PRKD3: variants seen among roughly 807,000 people sequenced by gnomAD.
The protein encoded by PRKD3 is protein kinase D3.
In PRKD3, 47 loss-of-function variants were observed where a neutral mutation model predicts 99.2. The observed-to-expected ratio is 0.47, with a 90% CI of 0.38 to 0.60. The LOEUF is 0.60. PRKD3 is among the 20% of genes least tolerant of loss of function. The probability of loss-of-function intolerance (pLI) is 0.00; values close to 1 mark genes in which losing one functional copy is unlikely to be tolerated. For synonymous variants in PRKD3, 392 were observed against 355.4 expected (o/e 1.10, Z -1.16); for missense variants, 1,019 against 1,088.4 (o/e 0.94, Z 0.90).
At chr2:37,254,328 GCA>G (rs1349979787) in intron 17 of PRKD3, 39 bp from the exon 18 acceptor site, 2 of 1,510,178 alleles carry the variant, frequency 1.3e-6, no homozygotes, top group South Asian at 2.3e-5. Flanking sequence ...GAATTTGGGT[GCA>G]CAGAGTACCC....
At position 37,262,895 on chromosome 2, in the gene PRKD3, T is replaced by TCC. The variant is rs68028740; in HGVS notation, c.1885-2513_1885-2512dup. Among the ~76,000 whole-genome samples the TCC allele has an allele frequency of 7.5e-4, 108 of 144,492 alleles. No homozygotes were observed. In the East Asian group the frequency reaches 0.015, roughly 20 times the overall value. 94.8% of individuals were successfully genotyped at this position (144,492 alleles called of 152,430 possible). ...ATGAGCAAAGTATCCTAAGATTCCT[T>TCC]CCCCCCCCCGTATTTGTGGTTATCT... On this transcript the variant is annotated intron_variant, in intron 14 of 18. Coordinates refer to ENST00000234179, the MANE Select transcript of PRKD3 (RefSeq NM_005813.6).
intron 6 of PRKD3, among the ~76,000 whole-genome samples, chr2:37,285,554 G>A (rs1445551869): frequency 6.6e-6 from 1 of 152,136 alleles, no homozygotes; most frequent in African/African-American, 2.4e-5. Flanking sequence ...AACTCTTGCA[G>A]TATGCTTATA....
chr2:37,316,249 T>C lies in PRKD3; in HGVS notation c.276A>G (p.Ile92Met), dbSNP rs62001879. The C allele has an allele frequency of 2.6e-4, 423 of 1,612,810 alleles. 1 individual carries two copies. In the African/African-American group the frequency reaches 5.1e-3, roughly 19 times the overall value. Residue 92 changes from isoleucine (I) to methionine (M), a missense_variant, in exon 2 of 19, where the codon ATA becomes ATG. This residue lies in a region of PRKD3 where 710 missense variants were observed against 692.7 expected (regional missense o/e 1.02). Coordinates refer to ENST00000234179, the MANE Select transcript of PRKD3 (RefSeq NM_005813.6). ...LSAVKDLVCS[I>M]VYQKFPECGF... ...GCACACACAGTACCTTTTGATAAAC[T>C]ATGGAGCACACAAGATCCTTGACAG... is the stretch of plus-strand genomic sequence containing the variant.
intron 2 of PRKD3, among the ~76,000 whole-genome samples, chr2:37,299,630 A>C (rs899201958): frequency 6.6e-6 from 1 of 152,064 alleles, no homozygotes; most frequent in Non-Finnish European, 1.5e-5. Flanking sequence ...TTTGCAAACT[A>C]TTCAACTGAC....
intron 17 of PRKD3, 42 bp downstream of exon 17, chr2:37,256,620 T>A (rs1372392198): frequency 2.8e-6 from 4 of 1,453,618 alleles, no homozygotes; most frequent in South Asian, 2.8e-5. Context: ...TTAAAACACA[T>A]AGCCAAAATT....
chr2:37,321,621 G>A (rs1396450162), intron 1 of PRKD3, among the ~76,000 whole-genome samples: 2 of 152,168 alleles, frequency 1.3e-5, no homozygotes, highest in Non-Finnish European at 2.9e-5. Flanking sequence ...ATAGAGCAGT[G>A]ACCGAAACAG....
chr2:37,273,948 CA>C (rs1331392194), intron 11 of PRKD3, among the ~76,000 whole-genome samples: 3 of 152,194 alleles, frequency 2.0e-5, no homozygotes, highest in Non-Finnish European at 4.4e-5. Flanking sequence ...TTTCTGACTT[CA>C]CAGATTTCAT....
rs1420965531 is a variant in PRKD3, at chr2:37,250,943, C to G, written c.*2234G>C. 6.6e-6 allele frequency: 1 copy of G among 152,586 alleles called. No homozygotes were observed. Among genetic ancestry groups the G allele is most frequent in the African/African-American group, 2.4e-5 (1 of 41,422 alleles). The allele number at this position is 152,586 out of a possible 1,614,324, so 9.5% of individuals were successfully genotyped here. ...TCCAGATTCTCTGACAGTGCCTTTA[C>G]AAAATTTTTAGAAAACTTCTTAGGC... On this transcript the variant is annotated 3_prime_UTR_variant, in exon 19 of 19. Coordinates refer to ENST00000234179, the MANE Select transcript of PRKD3 (RefSeq NM_005813.6).
rs775107380 is a variant in PRKD3, at chr2:37,274,639, G to C, written c.1433C>G (p.Ser478Ter). ...AAAACAGTGTGGATTGCTGCCTTGT[G>C]AAATGTTTGTGAAATCTCGTGGTGA... ...ISSPRDFTNI[S>*]QGSNPHCFEI... The change falls in exon 11 of 19, where the codon TCA becomes TGA. Residue 478 changes from serine to a stop codon, truncating the protein, a stop_gained. Coordinates refer to ENST00000234179, the MANE Select transcript of PRKD3 (RefSeq NM_005813.6). LOFTEE classifies it high-confidence loss of function. 1 of 1,614,060 alleles carries C rather than the reference G, an allele frequency of 6.2e-7. No individual in the cohort carries two copies. Among genetic ancestry groups the C allele is most frequent in the Non-Finnish European group, 8.5e-7 (1 of 1,179,926 alleles).
In PRKD3 at chr2:37,252,765, A is replaced by G. The variant is rs1667595629; in HGVS notation, c.*412T>C. On this transcript the variant is annotated 3_prime_UTR_variant, in exon 19 of 19. Transcript: ENST00000234179. Reference sequence around the variant, plus strand: ...GAGTAATCAATCTTGTAAGTCTTGTATAATTTAGCCAAGCTATATAGTAAC... The same window carrying G: ...GAGTAATCAATCTTGTAAGTCTTGTGTAATTTAGCCAAGCTATATAGTAAC... 6.6e-6 allele frequency: 1 copy of G among 151,730 alleles called. No individual in the cohort carries two copies. The highest frequency in any genetic ancestry group is 2.1e-4 in the South Asian group (1 of 4,826). 9.4% of individuals were successfully genotyped at this position (151,730 alleles called of 1,614,324 possible).
intron 2 of PRKD3, among the ~76,000 whole-genome samples, chr2:37,300,947 G>A (rs374683641): frequency 1.2e-4 from 19 of 152,216 alleles, no homozygotes; most frequent in South Asian, 1.2e-3. Context: ...GTTTTGCCAC[G>A]TTTTTATAGT....
intron 1 of PRKD3, among the ~76,000 whole-genome samples, 193 bp from the exon 2 acceptor site, chr2:37,317,372 C>T (rs905972560): frequency 2.0e-5 from 3 of 151,520 alleles, no homozygotes; most frequent in Non-Finnish European, 4.4e-5. Context: ...CAGGGAGAGG[C>T]TCGAAAAATA....
At chr2:37,300,653 A>C (rs1670884248) in intron 2 of PRKD3, among the ~76,000 whole-genome samples, 1 of 152,226 alleles carries the variant, frequency 6.6e-6, no homozygotes. Context: ...AAATATGTAC[A>C]ACTATTATTT....
At chr2:37,283,672 C>CA (rs1395473758) in intron 6 of PRKD3, among the ~76,000 whole-genome samples, 2 of 152,010 alleles carry the variant, frequency 1.3e-5, no homozygotes, top group Non-Finnish European at 2.9e-5. Context: ...ACTGTGAAAA[C>CA]AACAAGGTTT....
chr2:37,292,853 C>T, intron 3 of PRKD3: 1 of 224,764 alleles, frequency 4.4e-6, no homozygotes, highest in Non-Finnish European at 8.8e-6. Flanking sequence ...AGGTATGCTG[C>T]TCAGGCTGGT....
chr2:37,262,014 G>A (rs548201716), intron 14 of PRKD3, among the ~76,000 whole-genome samples: 4 of 152,250 alleles, frequency 2.6e-5, no homozygotes, highest in African/African-American at 7.2e-5. Flanking sequence ...TAATGTAAGC[G>A]ACTGTGCTTA....
At chr2:37,275,570 A>C (rs567545473) in intron 10 of PRKD3, among the ~76,000 whole-genome samples, 197 bp downstream of exon 10, 252 of 152,286 alleles carry the variant, frequency 1.7e-3, no homozygotes, top group Non-Finnish European at 3.0e-3. Flanking sequence ...AACAACAAAC[A>C]GTCTGGAAGG....
intron 5 of PRKD3, among the ~76,000 whole-genome samples, chr2:37,287,449 T>C (rs1397642028): frequency 1.3e-5 from 2 of 151,894 alleles, no homozygotes; most frequent in African/African-American, 2.4e-5. Context: ...CTGACTTCTT[T>C]TCCTTCCCTT....
At chr2:37,320,481 G>C (rs1671835990) in intron 1 of PRKD3, among the ~76,000 whole-genome samples, 1 of 135,994 alleles carries the variant, frequency 7.4e-6, no homozygotes, top group Admixed American at 9.0e-5. Flanking sequence ...GCCTAGGCTG[G>C]AGTACAGTGG....
Sources: allele counts gnomAD v4.1 joint callset (sites outside exome capture counted in the v4.1 genomes callset), GRCh38; gene constraint gnomAD v4.1.1; regional missense constraint gnomAD v4.1.1; transcripts MANE v1.5; gene names NCBI Gene and HGNC (gene_info 2026-07-23, HGNC 2026-07-21).